PPP2CB: variants seen among roughly 807,000 people sequenced by gnomAD.
PPP2CB encodes the protein protein phosphatase 2 catalytic subunit beta, also known as serine/threonine-protein phosphatase 2A catalytic subunit beta isoform.
PPP2CB carries 18 observed loss-of-function variants against 39.1 expected under a neutral mutation model. That is an observed-to-expected ratio of 0.46 (90% confidence interval 0.32 to 0.68). PPP2CB has a LOEUF of 0.68. Among genes scored for constraint, PPP2CB ranks in the 30% least tolerant of loss-of-function variants. PPP2CB has a pLI of 0.04. For missense variants in PPP2CB, 226 were observed against 396.9 expected, an observed-to-expected ratio of 0.57 and a Z score of 3.66; for synonymous variants, 129 against 133.8, an observed-to-expected ratio of 0.96 and a Z score of 0.25.
chr8:30,794,165 T>C (rs757418912), intron 4 of PPP2CB, 27 bp downstream of exon 4: 9 of 1,609,118 alleles, frequency 5.6e-6, no homozygotes, highest in African/African-American at 1.3e-5. Flanking sequence ...TCTTTTCCTT[T>C]CTTCTTCTTT....
intron 6 of PPP2CB, among the ~76,000 whole-genome samples, chr8:30,788,465 T>A (rs777210929): frequency 2.0e-5 from 3 of 152,158 alleles, no homozygotes; most frequent in Non-Finnish European, 2.9e-5. Context: ...GGTCTCCCTA[T>A]GTTGCCCAGG....
At chr8:30,807,464 C>T (rs1269573873) in intron 1 of PPP2CB, among the ~76,000 whole-genome samples, 1 of 152,172 alleles carries the variant, frequency 6.6e-6, no homozygotes, top group African/African-American at 2.4e-5. Flanking sequence ...AAGGCTAACG[C>T]CAGGACTTAG....
intron 3 of PPP2CB, among the ~76,000 whole-genome samples, chr8:30,796,570 G>A (rs1346660724): frequency 6.6e-6 from 1 of 152,054 alleles, no homozygotes; most frequent in African/African-American, 2.4e-5. Flanking sequence ...TGTATTTTTA[G>A]TAGAGATGGG....
intron 1 of PPP2CB, among the ~76,000 whole-genome samples, chr8:30,804,474 A>G (rs1422552029): frequency 6.6e-6 from 1 of 152,188 alleles, no homozygotes; most frequent in Admixed American, 6.5e-5. Context: ...AGGACTGGAC[A>G]CTACAGATGT....
intron 1 of PPP2CB, among the ~76,000 whole-genome samples, chr8:30,802,648 G>C (rs1031165329): frequency 4.6e-5 from 7 of 152,026 alleles, no homozygotes; most frequent in African/African-American, 1.7e-4. Flanking sequence ...ACTGGCCAAT[G>C]CTCGAAATTT....
intron 3 of PPP2CB, 150 bp downstream of exon 3, chr8:30,797,431 T>G: frequency 1.4e-6 from 1 of 735,636 alleles, no homozygotes; most frequent in Non-Finnish European, 2.0e-6. Context: ...TCCACTTCCC[T>G]GCTTTGAAAT....
chr8:30,795,304 AG>A, intron 3 of PPP2CB, among the ~76,000 whole-genome samples: 1 of 152,034 alleles, frequency 6.6e-6, no homozygotes, highest in South Asian at 2.1e-4. Context: ...TAGTAGAGAC[AG>A]GGTTTCTCCA....
At chr8:30,804,335 C>T (rs904432323) in intron 1 of PPP2CB, among the ~76,000 whole-genome samples, 1 of 152,204 alleles carries the variant, frequency 6.6e-6, no homozygotes, top group Non-Finnish European at 1.5e-5. Flanking sequence ...GAGGAGAGGT[C>T]TGGCCTTTGC....
chr8:30,802,177 C>T (rs1806638262), intron 1 of PPP2CB, among the ~76,000 whole-genome samples: 1 of 152,306 alleles, frequency 6.6e-6, no homozygotes, highest in East Asian at 1.9e-4. Context: ...GCAATGAAGT[C>T]TTCCAGAAAA....
intron 6 of PPP2CB, among the ~76,000 whole-genome samples, chr8:30,786,955 G>A (rs951371380): frequency 2.0e-5 from 3 of 152,054 alleles, no homozygotes; most frequent in African/African-American, 4.8e-5. Context: ...GTGAGCCACC[G>A]CGCCAGGCCT....
intron 1 of PPP2CB, among the ~76,000 whole-genome samples, chr8:30,802,980 G>A (rs1053664423): frequency 2.0e-5 from 3 of 152,158 alleles, no homozygotes; most frequent in Admixed American, 6.6e-5. Flanking sequence ...TTAGCAACAC[G>A]CAGAAACTTA....
chr8:30,786,820 T>C (rs1806349865), intron 6 of PPP2CB, among the ~76,000 whole-genome samples: 1 of 146,646 alleles, frequency 6.8e-6, no homozygotes, highest in East Asian at 2.0e-4. Context: ...CCCATTACCA[T>C]GCCCGGCTAA....
At chr8:30,786,406 T>C (rs1806342322) in intron 6 of PPP2CB, 99 bp from the exon 7 acceptor site, 3 of 959,498 alleles carry the variant, frequency 3.1e-6, no homozygotes, top group South Asian at 3.2e-5. Context: ...GCAGTCCTGC[T>C]TTCCCACCAT....
At chr8:30,805,906 C>G (rs758409550) in intron 1 of PPP2CB, among the ~76,000 whole-genome samples, 4 of 152,120 alleles carry the variant, frequency 2.6e-5, no homozygotes, top group African/African-American at 7.2e-5. Context: ...AAACAGTTTA[C>G]AAGGAATGAT....
chr8:30,786,724 C>T (rs1806348319), intron 6 of PPP2CB, among the ~76,000 whole-genome samples: 1 of 145,610 alleles, frequency 6.9e-6, no homozygotes, highest in African/African-American at 2.6e-5. Flanking sequence ...AGTGCACTGG[C>T]ACGATCTCGG....
Position 30,812,487 on chromosome 8 carries a change from G to A in PPP2CB, c.-66C>T, listed in dbSNP as rs1306675013. The stretch of plus-strand genomic sequence containing the variant: ...CCGCCGCCCTCCCCCCTCCCCACCC[G>A]CCCCCGGCCCCGGCCCGGGCGCCGC... On this transcript the variant is annotated 5_prime_UTR_variant, in exon 1 of 7. Coordinates refer to ENST00000221138, the MANE Select transcript of PPP2CB (RefSeq NM_001009552.2). The A allele has an allele frequency of 2.2e-6, 2 of 910,728 alleles. No individual in the cohort carries two copies. The highest frequency in any genetic ancestry group is 2.7e-6 in the Non-Finnish European group (2 of 735,610). 56.4% of individuals were successfully genotyped at this position (910,728 alleles called of 1,614,324 possible).
chr8:30,803,136 C>T (rs1455631304), intron 1 of PPP2CB, among the ~76,000 whole-genome samples: 12 of 152,128 alleles, frequency 7.9e-5, no homozygotes, highest in African/African-American at 2.2e-4. Context: ...ACGAACAGTT[C>T]CTAGGACTTT....
intron 5 of PPP2CB, among the ~76,000 whole-genome samples, chr8:30,792,718 A>G (rs1806459500): frequency 6.6e-6 from 1 of 151,992 alleles, no homozygotes; most frequent in South Asian, 2.1e-4. Context: ...GGCCTCCCAA[A>G]GTGCTGGGAT....
intron 1 of PPP2CB, among the ~76,000 whole-genome samples, chr8:30,801,513 G>A (rs978119617): frequency 6.7e-6 from 1 of 149,444 alleles, no homozygotes; most frequent in African/African-American, 2.5e-5. Flanking sequence ...CAGCCTGGGC[G>A]ACAGAGCAAA....
Sources: gnomAD v4.1 joint callset for allele counts (sites outside exome capture counted in the v4.1 genomes callset) on GRCh38, gnomAD v4.1.1 for gene constraint, MANE v1.5 for transcripts, NCBI Gene and HGNC (gene_info 2026-07-23, HGNC 2026-07-21) for gene names.